Variants in NTM observed in about 807,000 individuals in gnomAD.
NTM encodes the protein neurotrimin.
A neutral mutation model predicts 42.1 loss-of-function variants in NTM; 13 were observed. The observed-to-expected ratio is 0.31, with a 90% CI of 0.20 to 0.49. NTM has a LOEUF of 0.49. Ranked by LOEUF, NTM falls within the 20% of genes least tolerant of loss-of-function variation. The probability of loss-of-function intolerance (pLI) is 0.99; values close to 1 mark genes in which losing one functional copy is unlikely to be tolerated. For synonymous variants in NTM, 187 were observed against 179.2 expected (o/e 1.04, Z -0.35); for missense variants, 373 against 452.8 (o/e 0.82, Z 1.60).
In NTM at chr11:131,451,876, C is replaced by T. The variant is rs992706388; in HGVS notation, c.82+80988C>T. On this transcript the variant is annotated intron_variant, in intron 1 of 8. Transcript: ENST00000683400. ...AAGGAGACCATTTGGGCTACCAGGG[C>T]ATGAAGGCATCAGGCTCTGGCCCAT... Among the ~76,000 whole-genome samples, 7 of 152,202 alleles carry T rather than the reference C, an allele frequency of 4.6e-5. No homozygotes were observed. The East Asian group carries it at 7.8e-4, about 17-fold the overall frequency.
intron 6 of NTM, among the ~76,000 whole-genome samples, chr11:132,313,659 C>A (rs1372184657): frequency 6.6e-6 from 1 of 152,186 alleles, no homozygotes; most frequent in Non-Finnish European, 1.5e-5. Context: ...CTGTTAACAA[C>A]TTCCTGAGAA....
At chr11:132,148,004 G>A (rs1566300229) in intron 3 of NTM, among the ~76,000 whole-genome samples, 1 of 152,196 alleles carries the variant, frequency 6.6e-6, no homozygotes, top group Non-Finnish European at 1.5e-5. Context: ...ACAAGGTGAT[G>A]CTGGACCTGG....
intron 4 of NTM, among the ~76,000 whole-genome samples, chr11:132,236,339 T>C (rs1195589582): frequency 6.6e-6 from 1 of 152,184 alleles, no homozygotes; most frequent in African/African-American, 2.4e-5. Flanking sequence ...TAGTAGCTCA[T>C]ATCGTATCTA....
chr11:131,960,389 C>T (rs1356076931), intron 2 of NTM, among the ~76,000 whole-genome samples: 1 of 152,184 alleles, frequency 6.6e-6, no homozygotes, highest in Non-Finnish European at 1.5e-5. Flanking sequence ...GGACTTCCTG[C>T]CCTGTATATC....
intron 2 of NTM, among the ~76,000 whole-genome samples, chr11:132,062,026 G>T (rs1364269691): frequency 6.6e-6 from 1 of 152,108 alleles, no homozygotes; most frequent in Admixed American, 6.6e-5. Flanking sequence ...GCCACTGGCT[G>T]AGGAGTTACC....
intron 3 of NTM, among the ~76,000 whole-genome samples, chr11:132,207,520 C>T (rs545480593): frequency 1.4e-4 from 22 of 152,232 alleles, no homozygotes; most frequent in African/African-American, 5.3e-4. Context: ...AATATAAATA[C>T]AATGCATAAT....
intron 2 of NTM, among the ~76,000 whole-genome samples, chr11:132,090,301 C>T (rs1037749743): frequency 6.6e-6 from 1 of 152,160 alleles, no homozygotes; most frequent in South Asian, 2.1e-4. Context: ...CCCTTCACAC[C>T]TTCCCTATGG....
At chr11:131,676,421 C>G (rs1285381445) in intron 1 of NTM, among the ~76,000 whole-genome samples, 1 of 151,836 alleles carries the variant, frequency 6.6e-6, no homozygotes, top group African/African-American at 2.4e-5. Context: ...TTTTCTAGCA[C>G]TGAGGGTGTG....
intron 2 of NTM, among the ~76,000 whole-genome samples, chr11:131,971,614 C>T (rs1001025601): frequency 2.6e-5 from 4 of 152,024 alleles, no homozygotes; most frequent in African/African-American, 9.7e-5. Flanking sequence ...CTGCCTGGGT[C>T]CAAATCTTAA....
chr11:131,500,252 C>T (rs991094451), intron 1 of NTM, among the ~76,000 whole-genome samples: 4 of 152,158 alleles, frequency 2.6e-5, no homozygotes, highest in African/African-American at 9.7e-5. Flanking sequence ...GCTTCCACTC[C>T]TTCCTTTCTC....
At chr11:131,390,995 T>A (rs989826272) in intron 1 of NTM, among the ~76,000 whole-genome samples, 1 of 152,178 alleles carries the variant, frequency 6.6e-6, no homozygotes, top group African/African-American at 2.4e-5. Context: ...GGTGAGGTCC[T>A]GGAGCAATTC....
Position 131,911,430 on chromosome 11 carries a change from G to A in NTM, c.83-134G>A, listed in dbSNP as rs1169944264. The A allele has an allele frequency of 3.1e-6, 5 of 1,611,174 alleles. No homozygotes were observed. In the African/African-American group the frequency reaches 4.0e-5, roughly 13 times the overall value. ...CCACCCACTTCCTGTGCTCGCCCGGGGGGCGTGTGCCGTGCGGCTGCCGGA... is the reference window on the plus strand; with the variant it reads ...CCACCCACTTCCTGTGCTCGCCCGGAGGGCGTGTGCCGTGCGGCTGCCGGA... On this transcript the variant is annotated intron_variant, in intron 1 of 8. Coordinates refer to ENST00000683400, the MANE Select transcript of NTM (RefSeq NM_001352005.2).
At chr11:131,379,282 G>T (rs1378734157) in intron 1 of NTM, among the ~76,000 whole-genome samples, 1 of 152,226 alleles carries the variant, frequency 6.6e-6, no homozygotes, top group Non-Finnish European at 1.5e-5. Context: ...ATAGGAACTT[G>T]CATCTCTTCA....
chr11:131,813,261 A>G (rs981424537), intron 1 of NTM, among the ~76,000 whole-genome samples: 2 of 152,212 alleles, frequency 1.3e-5, no homozygotes, highest in Admixed American at 6.5e-5. Flanking sequence ...ATTTTTACAC[A>G]CAAACTAATA....
rs188773802 is a variant in NTM, at chr11:132,099,403, A to G, written c.168-46879A>G. On this transcript the variant is annotated intron_variant, in intron 2 of 8. Transcript: ENST00000683400. Reference sequence around the variant, plus strand: ...TGTTCAATATATGCTGATATTTTCTATTTTATCTTATTTATTTCATTTTAA... The same window carrying G: ...TGTTCAATATATGCTGATATTTTCTGTTTTATCTTATTTATTTCATTTTAA... 1.3e-3 allele frequency among the ~76,000 whole-genome samples: 196 copies of G among 152,298 alleles called. 1 individual carries two copies. The highest frequency in any genetic ancestry group is 1.8e-3 in the Admixed American group (27 of 15,284).
intron 2 of NTM, among the ~76,000 whole-genome samples, chr11:132,012,546 T>C (rs370080946): frequency 1.3e-5 from 2 of 152,130 alleles, no homozygotes; most frequent in Admixed American, 1.3e-4. Context: ...TCTAAACATG[T>C]TTTTTCTCTT....
intron 2 of NTM, among the ~76,000 whole-genome samples, chr11:131,975,968 GA>G (rs1012248120): frequency 6.6e-6 from 1 of 152,120 alleles, no homozygotes; most frequent in Non-Finnish European, 1.5e-5. Context: ...TCTGGCATCA[GA>G]AGAGAGATGT....
chr11:132,074,882 G>C (rs2058162031), intron 2 of NTM, among the ~76,000 whole-genome samples: 1 of 152,156 alleles, frequency 6.6e-6, no homozygotes, highest in Non-Finnish European at 1.5e-5. Flanking sequence ...AATGATAAAT[G>C]CTTGAGATGA....
chr11:132,322,001 C>T (rs2095579989), intron 7 of NTM, among the ~76,000 whole-genome samples: 2 of 151,434 alleles, frequency 1.3e-5, no homozygotes, highest in Admixed American at 1.3e-4. Context: ...CACCACCAGG[C>T]CTGCCCTAAA....
Sources: allele counts gnomAD v4.1 joint callset (sites outside exome capture counted in the v4.1 genomes callset), GRCh38; gene constraint gnomAD v4.1.1; transcripts MANE v1.5; gene names NCBI Gene and HGNC (gene_info 2026-07-23, HGNC 2026-07-21).